The following ADAMTS16 variants were observed in gnomAD, a reference collection of about 807,000 sequenced individuals.
ADAMTS16 encodes ADAM metallopeptidase with thrombospondin type 1 motif 16.
ADAMTS16 carries 94 observed loss-of-function variants against 145.8 expected under a neutral mutation model. The ratio of observed to expected loss-of-function variants is 0.64; its 90% confidence interval spans 0.55 to 0.77. The LOEUF (loss-of-function observed/expected upper bound fraction) is 0.77. Ranked by LOEUF, ADAMTS16 falls within the 30% of genes least tolerant of loss-of-function variation. The probability of loss-of-function intolerance (pLI) is 0.00; values close to 1 mark genes in which losing one functional copy is unlikely to be tolerated. For synonymous variants in ADAMTS16, 659 were observed against 604.3 expected (o/e 1.09, Z -1.33); for missense variants, 1,585 against 1,591.5 (o/e 1.00, Z 0.07).
rs1410161885 is a variant in ADAMTS16, at chr5:5,306,725, T to C, written c.3408T>C (p.Ser1136=). Residue 1136 remains serine, a synonymous_variant, in exon 21 of 23, where the codon TCT becomes TCC. Transcript: ENST00000274181. ...GCAGCTGGTTTGCCTCACCCTGGTCTCAGGTAGGGGAGGCCCTCGGTTCCT... is the reference window on the plus strand; with the variant it reads ...GCAGCTGGTTTGCCTCACCCTGGTCCCAGGTAGGGGAGGCCCTCGGTTCCT... The part of the protein sequence containing the change: ...SRGSWFASPW[S]QCTASCGGGV... 6.2e-7 allele frequency: 1 copy of C among 1,606,472 alleles called. No individual in the cohort carries two copies. The highest frequency in any genetic ancestry group is 1.7e-5 in the Admixed American group (1 of 59,082).
chr5:5,238,915 C>G (rs34662621), intron 14 of ADAMTS16, among the ~76,000 whole-genome samples: 466 of 152,288 alleles, frequency 3.1e-3, no homozygotes, highest in Middle Eastern at 0.027. Flanking sequence ...ACTTGTGTAA[C>G]AATACTAAAG....
chr5:5,194,296 T>C (rs1207592025), intron 8 of ADAMTS16, among the ~76,000 whole-genome samples: 1 of 152,172 alleles, frequency 6.6e-6, no homozygotes, highest in Non-Finnish European at 1.5e-5. Context: ...GTATCTATCA[T>C]GTGCTAAATG....
intron 16 of ADAMTS16, among the ~76,000 whole-genome samples, chr5:5,240,433 A>G (rs1397039833): frequency 6.6e-6 from 1 of 152,364 alleles, no homozygotes; most frequent in African/African-American, 2.4e-5. Flanking sequence ...TGAACCGAGC[A>G]GTTCTGTTTA....
chr5:5,153,361 T>C (rs986115812), intron 3 of ADAMTS16, among the ~76,000 whole-genome samples: 16 of 152,382 alleles, frequency 1.0e-4, no homozygotes, highest in African/African-American at 3.8e-4. Flanking sequence ...TCATTCATCT[T>C]TGTATCCCAA....
At chr5:5,170,879 G>T (rs1264320913) in intron 3 of ADAMTS16, among the ~76,000 whole-genome samples, 1 of 152,000 alleles carries the variant, frequency 6.6e-6, no homozygotes, top group Non-Finnish European at 1.5e-5. Context: ...GATCCCATTG[G>T]TCCATTTTTG....
At chr5:5,154,059 C>T (rs1043577351) in intron 3 of ADAMTS16, among the ~76,000 whole-genome samples, 2 of 152,088 alleles carry the variant, frequency 1.3e-5, no homozygotes, top group Non-Finnish European at 2.9e-5. Flanking sequence ...CTCAATAAAT[C>T]CTAGGAAACT....
chr5:5,315,993 G>A (rs1485689022), intron 21 of ADAMTS16, among the ~76,000 whole-genome samples: 1 of 152,128 alleles, frequency 6.6e-6, no homozygotes, highest in African/African-American at 2.4e-5. Context: ...GTGACTTTCA[G>A]GGCCATTTGT....
chr5:5,233,396 C>A (rs548887443), intron 12 of ADAMTS16, among the ~76,000 whole-genome samples: 1 of 152,112 alleles, frequency 6.6e-6, no homozygotes, highest in South Asian at 2.1e-4. Context: ...CATAAGCAAA[C>A]TTGTGTCACG....
intron 20 of ADAMTS16, among the ~76,000 whole-genome samples, chr5:5,304,347 G>T (rs1484631592): frequency 6.6e-6 from 1 of 152,132 alleles, no homozygotes; most frequent in Non-Finnish European, 1.5e-5. Flanking sequence ...TGGGAATAAC[G>T]TTGGAATCAT....
At chr5:5,154,406 T>A (rs1250677574) in intron 3 of ADAMTS16, among the ~76,000 whole-genome samples, 1 of 152,204 alleles carries the variant, frequency 6.6e-6, no homozygotes, top group Non-Finnish European at 1.5e-5. Context: ...AATATAATAG[T>A]GCAATTTGGA....
Position 5,303,482 on chromosome 5 carries a change from G to C in ADAMTS16, c.2991+13G>C. On this transcript the variant is annotated intron_variant, in intron 19 of 22. Transcript: ENST00000274181. ...GCCCTGGGCAGAGGTAACCAGGGTG[G>C]GGTTGGCATGGGTGGCAGCAGGGCC... 6.2e-7 allele frequency: 1 copy of C among 1,608,260 alleles called. No homozygotes were observed. Among genetic ancestry groups the C allele is most frequent in the East Asian group, 2.2e-5 (1 of 44,742 alleles).
chr5:5,213,587 C>T (rs111816720), intron 10 of ADAMTS16, among the ~76,000 whole-genome samples: 1 of 152,042 alleles, frequency 6.6e-6, no homozygotes, highest in Non-Finnish European at 1.5e-5. Context: ...TTTTGATCCC[C>T]GAAGACTTTG....
At chr5:5,159,797 G>C (rs814772) in intron 3 of ADAMTS16, among the ~76,000 whole-genome samples, 152,003 of 152,362 alleles carry the variant, frequency 1, 75,828 homozygotes, top group Middle Eastern at 1. Context: ...TTGCTGACGC[G>C]CACATTTTGA....
chr5:5,235,262 A>T, intron 13 of ADAMTS16, 76 bp downstream of exon 13: 1 of 1,363,122 alleles, frequency 7.3e-7, no homozygotes, highest in Non-Finnish European at 9.7e-7. Flanking sequence ...CATGATTGAG[A>T]GTGTGGTGCA....
At chr5:5,173,212 A>G (rs1489147892) in intron 3 of ADAMTS16, among the ~76,000 whole-genome samples, 1 of 146,462 alleles carries the variant, frequency 6.8e-6, no homozygotes, top group African/African-American at 2.5e-5. Flanking sequence ...CAGCCACTCT[A>G]TGTCTTTTGG....
chr5:5,181,980 A>G, intron 3 of ADAMTS16, 64 bp from the exon 4 acceptor site: 1 of 1,508,740 alleles, frequency 6.6e-7, no homozygotes. Context: ...TGCTTGGAGA[A>G]TCGGCCCTGG....
Position 5,319,171 on chromosome 5 carries a change from C to T in ADAMTS16, c.*33C>T, listed in dbSNP as rs745669918. ...CCGCTCTCCGTAGCAGAGAAAGTGC[C>T]TGCGTGGCACAGAAATTTCCCACAA... On this transcript the variant is annotated 3_prime_UTR_variant, in exon 23 of 23. Coordinates refer to ENST00000274181, the MANE Select transcript of ADAMTS16 (RefSeq NM_139056.4). 3.4e-6 allele frequency: 5 copies of T among 1,492,296 alleles called. No homozygotes were observed. The highest frequency in any genetic ancestry group is 4.6e-6 in the Non-Finnish European group (5 of 1,082,394). 92.4% of individuals were successfully genotyped at this position (1,492,296 alleles called of 1,614,324 possible).
At chr5:5,237,844 T>C (rs1268501788) in intron 14 of ADAMTS16, among the ~76,000 whole-genome samples, 23 of 152,184 alleles carry the variant, frequency 1.5e-4, no homozygotes, top group Non-Finnish European at 4.4e-5. Flanking sequence ...TGACTGATGT[T>C]ACCCTTACCC....
chr5:5,169,101 T>C (rs1447065454), intron 3 of ADAMTS16, among the ~76,000 whole-genome samples: 1 of 152,084 alleles, frequency 6.6e-6, no homozygotes, highest in Non-Finnish European at 1.5e-5. Context: ...GGCTTAATCC[T>C]TCATAGGTAT....
Sources: gnomAD v4.1 joint callset for allele counts (sites outside exome capture counted in the v4.1 genomes callset) on GRCh38, gnomAD v4.1.1 for gene constraint, MANE v1.5 for transcripts, NCBI Gene and HGNC (gene_info 2026-07-23, HGNC 2026-07-21) for gene names.